Variants in RGS7 observed in about 807,000 individuals in gnomAD.
RGS7 encodes regulator of G-protein signaling 7.
In RGS7, 27 loss-of-function variants were observed where a neutral mutation model predicts 81.1. The ratio of observed to expected loss-of-function variants is 0.33; its 90% confidence interval spans 0.25 to 0.46. The LOEUF is 0.46. RGS7 is among the 20% of genes least tolerant of loss of function. The pLI, the probability that RGS7 is intolerant of heterozygous loss-of-function variation, is 1.00. For missense variants in RGS7, 396 were observed against 607.4 expected, an observed-to-expected ratio of 0.65 and a Z score of 3.66; for synonymous variants, 208 against 207.7, an observed-to-expected ratio of 1.00 and a Z score of -0.01.
chr1:240,930,816 A>G (rs1036647101), intron 5 of RGS7, 48 bp from the exon 6 acceptor site: 5 of 1,569,972 alleles, frequency 3.2e-6, no homozygotes, highest in Admixed American at 1.7e-5. Flanking sequence ...ATAAAAAATT[A>G]GTGGAGTTTC....
Position 240,981,356 on chromosome 1 carries a change from C to T in RGS7, c.226+1723G>A, listed in dbSNP as rs982656947. ...CGAACTCCTGAGCTCGTGATCCACC[C>T]ACCTCAGCCTCCCAAAGTGCTGGGA... On this transcript the variant is annotated intron_variant, in intron 4 of 18. Coordinates refer to ENST00000440928, the MANE Select transcript of RGS7 (RefSeq NM_001364886.1). Among the ~76,000 whole-genome samples the T allele has an allele frequency of 3.9e-5, 6 of 152,086 alleles. No individual in the cohort carries two copies. In the East Asian group the frequency reaches 9.7e-4, roughly 24 times the overall value.
chr1:240,925,492 G>GTA (rs974051337), intron 6 of RGS7, among the ~76,000 whole-genome samples: 4 of 152,084 alleles, frequency 2.6e-5, no homozygotes, highest in Non-Finnish European at 4.4e-5. Flanking sequence ...ATTCCACGGT[G>GTA]TATATATATT....
intron 2 of RGS7, among the ~76,000 whole-genome samples, chr1:241,290,506 T>C (rs2079033623): frequency 6.6e-6 from 1 of 152,242 alleles, no homozygotes; most frequent in Non-Finnish European, 1.5e-5. Context: ...TTTTTCTTTA[T>C]GCTAAGTAGA....
chr1:240,806,816 T>C (rs1688932669), intron 14 of RGS7, among the ~76,000 whole-genome samples: 1 of 151,978 alleles, frequency 6.6e-6, no homozygotes. Flanking sequence ...ATTTCAGCAA[T>C]GGGGGCTAGT....
chr1:241,165,609 A>G (rs1424139435), intron 2 of RGS7, among the ~76,000 whole-genome samples: 9 of 130,220 alleles, frequency 6.9e-5, no homozygotes, highest in Non-Finnish European at 1.4e-4. Flanking sequence ...GAAGGGGAAC[A>G]TCACACTCTG....
At chr1:241,016,553 A>G (rs1244052102) in intron 3 of RGS7, among the ~76,000 whole-genome samples, 1 of 145,668 alleles carries the variant, frequency 6.9e-6, no homozygotes, top group Non-Finnish European at 1.5e-5. Context: ...CAACAACAAA[A>G]ACCAACCAAA....
chr1:241,348,114 A>G (rs2083017829), intron 2 of RGS7, among the ~76,000 whole-genome samples: 1 of 152,230 alleles, frequency 6.6e-6, no homozygotes, highest in Admixed American at 6.5e-5. Context: ...ACAATTTAAA[A>G]TCCAGGTCCT....
chr1:241,083,865 C>T (rs1344456139), intron 3 of RGS7, among the ~76,000 whole-genome samples: 1 of 152,036 alleles, frequency 6.6e-6, no homozygotes, highest in East Asian at 1.9e-4. Context: ...CCATTTTAGT[C>T]ATTCCTATGA....
intron 2 of RGS7, among the ~76,000 whole-genome samples, chr1:241,316,753 T>C (rs35681504): frequency 6.6e-6 from 1 of 152,076 alleles, no homozygotes; most frequent in African/African-American, 2.4e-5. Flanking sequence ...AGTTTTTGTA[T>C]TGGGTTAATG....
intron 2 of RGS7, among the ~76,000 whole-genome samples, chr1:241,265,677 T>C (rs573640486): frequency 7.3e-5 from 11 of 151,674 alleles, no homozygotes; most frequent in Admixed American, 2.0e-4. Context: ...AGTCAATAGA[T>C]GCTCAATCTA....
chr1:241,314,361 A>G (rs2080738436), intron 2 of RGS7, among the ~76,000 whole-genome samples: 1 of 152,140 alleles, frequency 6.6e-6, no homozygotes, highest in Non-Finnish European at 1.5e-5. Flanking sequence ...GATCCTCCCC[A>G]AGGAAAAAGA....
At chr1:241,291,570 C>CTTTTTTTTTTTTTTTTTTTTTTTTTT (rs397947911) in intron 2 of RGS7, among the ~76,000 whole-genome samples, 1 of 94,164 alleles carries the variant, frequency 1.1e-5, no homozygotes, top group African/African-American at 4.1e-5. Flanking sequence ...GAATTCCCAG[C>CTTTTTTTTTTTTTTTTTTTTTTTTTT]TTTTTTTTTT....
Position 241,355,806 on chromosome 1 carries a change from T to G in RGS7, c.-30A>C. The G allele has an allele frequency of 3.2e-6, 5 of 1,586,276 alleles. No individual in the cohort carries two copies. Among genetic ancestry groups the G allele is most frequent in the Non-Finnish European group, 4.3e-6 (5 of 1,154,544 alleles). Reference sequence around the variant, plus strand: ...CCCAAAACTTGGTCCACTCTCAAGATACAAGAATTATCAGTGTGCCCTGCA... The same window carrying G: ...CCCAAAACTTGGTCCACTCTCAAGAGACAAGAATTATCAGTGTGCCCTGCA... On this transcript the variant is annotated 5_prime_UTR_variant, in exon 2 of 19. Transcript: ENST00000440928.
At chr1:241,037,367 A>T (rs1490242876) in intron 3 of RGS7, among the ~76,000 whole-genome samples, 1 of 152,128 alleles carries the variant, frequency 6.6e-6, no homozygotes, top group Non-Finnish European at 1.5e-5. Context: ...TTGTATGCAT[A>T]TTTATAACAG....
intron 2 of RGS7, among the ~76,000 whole-genome samples, chr1:241,245,522 G>T (rs1015666841): frequency 6.6e-6 from 1 of 151,462 alleles, no homozygotes; most frequent in Non-Finnish European, 1.5e-5. Flanking sequence ...ACGTGTGTGT[G>T]TTCAGGCCTG....
Position 240,800,674 on chromosome 1 carries a change from T to C in RGS7, c.1461A>G (p.Thr487=). The change falls in exon 18 of 19, where the codon ACA becomes ACG. Residue 487 remains threonine, a synonymous_variant. Coordinates refer to ENST00000440928, the MANE Select transcript of RGS7 (RefSeq NM_001364886.1). ...IFPCHKNCTP[T]LRASTNLL ...ATAACAGGTTAGTGCTGGCCCTCAG[T>C]GTTGGTGTACAGTTTTTATGGCATG... 6.5e-7 allele frequency: 1 copy of C among 1,548,108 alleles called. No homozygotes were observed. Among genetic ancestry groups the C allele is most frequent in the Non-Finnish European group, 8.7e-7 (1 of 1,145,064 alleles).
At chr1:241,247,648 G>A (rs2076611552) in intron 2 of RGS7, among the ~76,000 whole-genome samples, 1 of 152,000 alleles carries the variant, frequency 6.6e-6, no homozygotes, top group Non-Finnish European at 1.5e-5. Flanking sequence ...AGGAGATGCA[G>A]ATTGGATTTA....
intron 4 of RGS7, among the ~76,000 whole-genome samples, chr1:240,959,837 T>C (rs1681060198): frequency 6.6e-6 from 1 of 152,156 alleles, no homozygotes. Flanking sequence ...AAAATACAAG[T>C]TCACGCTTAA....
In RGS7 at chr1:241,045,869, G is replaced by A. The variant is rs577396278; in HGVS notation, c.175+52797C>T. Among the ~76,000 whole-genome samples, 3 of 152,238 alleles carry A rather than the reference G, an allele frequency of 2.0e-5. No homozygotes were observed. The East Asian group carries it at 5.8e-4, about 30-fold the overall frequency. On this transcript the variant is annotated intron_variant, in intron 3 of 18. Coordinates refer to ENST00000440928, the MANE Select transcript of RGS7 (RefSeq NM_001364886.1). ...GAGAGAGGTTTTCAGGGAAGGCAAA[G>A]GGGCCCTGGAGTTCTATTCAGGGGA...
Sources: allele counts gnomAD v4.1 joint callset (sites outside exome capture counted in the v4.1 genomes callset), GRCh38; gene constraint gnomAD v4.1.1; transcripts MANE v1.5; gene names NCBI Gene and HGNC (gene_info 2026-07-23, HGNC 2026-07-21).